The following CDH22 variants were observed in gnomAD, a reference collection of about 807,000 sequenced individuals.
CDH22 encodes cadherin-22.
CDH22 carries 30 observed loss-of-function variants against 58.4 expected under a neutral mutation model. That is an observed-to-expected ratio of 0.51 (90% CI 0.38 to 0.70). The LOEUF (loss-of-function observed/expected upper bound fraction) is 0.70. Ranked by LOEUF, CDH22 falls within the 30% of genes least tolerant of loss-of-function variation. The pLI is 0.00. For missense variants in CDH22, 1,014 were observed against 1,233.9 expected, an observed-to-expected ratio of 0.82 and a Z score of 2.67; for synonymous variants, 513 against 558.2, an observed-to-expected ratio of 0.92 and a Z score of 1.14.
rs780019410 is a variant in CDH22, at chr20:46,251,091, C to T, written c.204G>A (p.Gln68=). 1 of 1,612,042 alleles carries T rather than the reference C, an allele frequency of 6.2e-7. No homozygotes were observed. Among genetic ancestry groups the T allele is most frequent in the South Asian group, 1.1e-5 (1 of 91,044 alleles). Residue 68 remains glutamine, a synonymous_variant, in exon 2 of 12, where the codon CAG becomes CAA. Transcript: ENST00000537909. This position sits in a 1 kb window ranked among gnomAD's most constrained non-coding sequence, Gnocchi z 6.7. ...GRVKRGWVWN[Q]FFVVEEYTGT... ...CCGTGTACTCCTCTACCACGAAGAA[C>T]TGGTTCCACACCCAGCCGCGTTTGA...
intron 10 of CDH22, among the ~76,000 whole-genome samples, chr20:46,184,835 C>T (rs1190398057): frequency 2.0e-5 from 3 of 152,146 alleles, no homozygotes; most frequent in Admixed American, 6.5e-5. Context: ...ACAGGCGCCC[C>T]AGCACTTTGG....
intron 7 of CDH22, among the ~76,000 whole-genome samples, chr20:46,207,746 C>T (rs2086011864): frequency 6.6e-6 from 1 of 152,222 alleles, no homozygotes. Flanking sequence ...GGCACACCAA[C>T]CACTCCTCTG....
chr20:46,210,560 G>A lies in CDH22; in HGVS notation c.1033C>T (p.Arg345Cys). 2 of 1,428,304 alleles carry A rather than the reference G, an allele frequency of 1.4e-6. No homozygotes were observed. Among genetic ancestry groups the A allele is most frequent in the South Asian group, 1.6e-5 (1 of 62,786 alleles). 88.5% of individuals were successfully genotyped at this position (1,428,304 alleles called of 1,614,324 possible). Residue 345 changes from arginine to cysteine, a missense_variant and splice_region_variant, in exon 7 of 12, where the codon CGC becomes TGC. This residue lies in a region of CDH22 where 806 missense variants were observed against 1,038.7 expected (regional missense o/e 0.78). Transcript: ENST00000537909. The surrounding 1 kb of genome is among the most constrained non-coding windows in gnomAD (Gnocchi z 4.5). ...TQEAIIVVQK[R>C]LDFESQPVHT... ...ACGGGCTGGGATTCGAAGTCCAGGC[G>A]CTGCGGGAGGGAGCAGAGGGCCGGT...
chr20:46,241,248 C>T lies in CDH22; in HGVS notation c.265G>A (p.Asp89Asn), dbSNP rs745731096. The T allele has an allele frequency of 2.6e-5, 41 of 1,600,934 alleles. No individual in the cohort carries two copies. Among genetic ancestry groups the T allele is most frequent in the African/African-American group, 4.0e-5 (3 of 74,760 alleles). ...EPLYVGKIHS[D>N]SDEGDGAIKY... Reference sequence around the variant, plus strand: ...ATGGCCCCGTCACCCTCGTCTGAGTCGGAGTGGATCTGGGTAGGCAGAGAA... The same window carrying T: ...ATGGCCCCGTCACCCTCGTCTGAGTTGGAGTGGATCTGGGTAGGCAGAGAA... The change falls in exon 3 of 12, where the codon GAC (aspartate) becomes AAC (asparagine). Residue 89 changes from aspartate to asparagine, a missense_variant. This residue lies in a region of CDH22 where 806 missense variants were observed against 1,038.7 expected (regional missense o/e 0.78). Transcript: ENST00000537909. This position sits in a 1 kb window ranked among gnomAD's most constrained non-coding sequence, Gnocchi z 5.2.
chr20:46,301,792 C>A (rs1210952826), intron 1 of CDH22, among the ~76,000 whole-genome samples: 1 of 151,966 alleles, frequency 6.6e-6, no homozygotes, highest in Non-Finnish European at 1.5e-5. Flanking sequence ...GCTTGGGCAA[C>A]AAGAGTGAAA....
rs765796879 is a variant in CDH22 at position 46,177,934 on chromosome 20, C to T, written c.1915+12G>A. ...CAATCAGGCAGGGCTGGGTGGCTCT[C>T]GATGGACTCACCAACCAGGATGAGA... On this transcript the variant is annotated intron_variant, in intron 11 of 11. Coordinates refer to ENST00000537909, the MANE Select transcript of CDH22 (RefSeq NM_021248.3). 22 of 1,612,600 alleles carry T rather than the reference C, an allele frequency of 1.4e-5. No homozygotes were observed. The highest frequency in any genetic ancestry group is 4.4e-5 in the South Asian group (4 of 91,006).
chr20:46,206,329 T>A (rs2086001789), intron 7 of CDH22, among the ~76,000 whole-genome samples: 1 of 152,250 alleles, frequency 6.6e-6, no homozygotes, highest in African/African-American at 2.4e-5. Context: ...AGTTTCTTCG[T>A]CTGTCAAATG....
At chr20:46,194,086 G>A (rs1162437288) in intron 8 of CDH22, among the ~76,000 whole-genome samples, 10 of 152,106 alleles carry the variant, frequency 6.6e-5, no homozygotes, top group Admixed American at 2.6e-4. Context: ...CGCTGGGTAG[G>A]CCAGTCTCTC....
chr20:46,210,084 G>C lies in CDH22; in HGVS notation c.1286+223C>G, dbSNP rs1600698026. Reference sequence around the variant, plus strand: ...GTTCTCTCCCTTATTGGCCTGGCTCGCCTGCCTGTCTCATTGACTGTTCTC... The same window carrying C: ...GTTCTCTCCCTTATTGGCCTGGCTCCCCTGCCTGTCTCATTGACTGTTCTC... On this transcript the variant is annotated intron_variant, in intron 7 of 11. Coordinates refer to ENST00000537909, the MANE Select transcript of CDH22 (RefSeq NM_021248.3). The surrounding 1 kb of genome is among the most constrained non-coding windows in gnomAD (Gnocchi z 4.5). The C allele has an allele frequency of 2.3e-6, 1 of 439,016 alleles. No individual in the cohort carries two copies. The highest frequency in any genetic ancestry group is 4.0e-6 in the Non-Finnish European group (1 of 250,606). The allele number at this position is 439,016 out of a possible 1,614,324, so 27.2% of individuals were successfully genotyped here. A position where few individuals can be genotyped will look rare whatever the true frequency, so the allele number is the denominator to read the frequency against.
chr20:46,250,377 T>G (rs1391792421), intron 2 of CDH22, among the ~76,000 whole-genome samples: 2 of 152,244 alleles, frequency 1.3e-5, no homozygotes, highest in African/African-American at 4.8e-5. Flanking sequence ...GGAAAGATGC[T>G]GGGACCTCAC....
chr20:46,273,153 G>A lies in CDH22; in HGVS notation c.-399-21460C>T, dbSNP rs368817149. 9.2e-5 allele frequency among the ~76,000 whole-genome samples: 14 copies of A among 152,250 alleles called. No homozygotes were observed. In the East Asian group the frequency reaches 2.3e-3, roughly 25 times the overall value. Reference sequence around the variant, plus strand: ...TGATTTTCCACCTTGTTCAGGCCATGAACTTGGATTTCAATTCCCCTTATG... The same window carrying A: ...TGATTTTCCACCTTGTTCAGGCCATAAACTTGGATTTCAATTCCCCTTATG... On this transcript the variant is annotated intron_variant, in intron 1 of 11. Transcript: ENST00000537909.
intron 1 of CDH22, among the ~76,000 whole-genome samples, chr20:46,263,855 C>G (rs2086445927): frequency 6.6e-6 from 1 of 152,146 alleles, no homozygotes; most frequent in Admixed American, 6.5e-5. Context: ...AAAGAGGTCA[C>G]TGTGCTTGTT....
chr20:46,192,820 T>TGAGGC (rs2085870615), intron 8 of CDH22, among the ~76,000 whole-genome samples: 1 of 151,502 alleles, frequency 6.6e-6, no homozygotes, highest in Non-Finnish European at 1.5e-5. Flanking sequence ...GGCAGGACAG[T>TGAGGC]GAGGCGCACG....
intron 7 of CDH22, chr20:46,209,923 G>T: frequency 5.0e-6 from 1 of 199,818 alleles, no homozygotes; most frequent in Non-Finnish European, 1.0e-5. Flanking sequence ...GAGAGGGAAG[G>T]GGGTGCAGGG....
At chr20:46,192,671 C>T (rs952197297) in intron 8 of CDH22, among the ~76,000 whole-genome samples, 1 of 151,974 alleles carries the variant, frequency 6.6e-6, no homozygotes, top group African/African-American at 2.4e-5. Flanking sequence ...AGAGCTTGGA[C>T]CCTCTTCTCC....
At chr20:46,200,688 G>A (rs2145673021) in intron 7 of CDH22, among the ~76,000 whole-genome samples, 1 of 152,320 alleles carries the variant, frequency 6.6e-6, no homozygotes, top group Non-Finnish European at 1.5e-5. Context: ...CAAAGGCGCG[G>A]CGGCTGAGAA....
chr20:46,202,911 G>C (rs1600694796), intron 7 of CDH22, among the ~76,000 whole-genome samples: 1 of 151,660 alleles, frequency 6.6e-6, no homozygotes, highest in South Asian at 2.1e-4. Context: ...CTGATCCCTC[G>C]TCAGGGCTGG....
At chr20:46,212,494 G>T (rs912382536) in intron 6 of CDH22, among the ~76,000 whole-genome samples, 3 of 152,320 alleles carry the variant, frequency 2.0e-5, no homozygotes, top group South Asian at 4.1e-4. Context: ...CAGCCAGTGG[G>T]CAAGGAAGGC....
At position 46,308,028 on chromosome 20, in the gene CDH22, G is replaced by C. The variant is rs1393223900; in HGVS notation, c.-400+227C>G. On this transcript the variant is annotated intron_variant, in intron 1 of 11. Transcript: ENST00000537909. The surrounding 1 kb of genome is among the most constrained non-coding windows in gnomAD (Gnocchi z 4.3). ...TCGGGCCGAGAGGCGGCTCGGCTCC[G>C]CGCCGGGGAAAGTTTGGACGTGGGA... Among the ~76,000 whole-genome samples, 1 of 151,682 alleles carries C rather than the reference G, an allele frequency of 6.6e-6. No homozygotes were observed. Among genetic ancestry groups the C allele is most frequent in the Non-Finnish European group, 1.5e-5 (1 of 67,826 alleles).
Sources: gnomAD v4.1 joint callset for allele counts (sites outside exome capture counted in the v4.1 genomes callset) on GRCh38, gnomAD v4.1.1 for gene constraint, gnomAD v4.1.1 regional missense constraint, Gnocchi (gnomAD v3.1) non-coding constraint, MANE v1.5 for transcripts, NCBI Gene and HGNC (gene_info 2026-07-23, HGNC 2026-07-21) for gene names.